Variants in KCNIP4 observed in about 807,000 individuals in gnomAD.
KCNIP4 encodes Kv channel-interacting protein 4.
In KCNIP4, 12 loss-of-function variants were observed where a neutral mutation model predicts 34.0. The observed-to-expected ratio is 0.35, with a 90% confidence interval of 0.23 to 0.57. The LOEUF (loss-of-function observed/expected upper bound fraction) is 0.57, where lower values mean the gene tolerates loss of function less well. Ranked by LOEUF, KCNIP4 falls within the 20% of genes least tolerant of loss-of-function variation. The probability of loss-of-function intolerance (pLI) is 0.83; values close to 1 mark genes in which losing one functional copy is unlikely to be tolerated. For synonymous variants in KCNIP4, 124 were observed against 102.2 expected, an observed-to-expected ratio of 1.21 and a Z score of -1.29; for missense variants, 238 against 311.7, an observed-to-expected ratio of 0.76 and a Z score of 1.78.
chr4:21,871,594 A>G (rs1435009091), intron 1 of KCNIP4, among the ~76,000 whole-genome samples: 1 of 151,980 alleles, frequency 6.6e-6, no homozygotes, highest in Non-Finnish European at 1.5e-5. Context: ...TTGAACAAAG[A>G]GCCCAGTTTT....
At chr4:21,458,159 A>G (rs1729127753) in intron 1 of KCNIP4, among the ~76,000 whole-genome samples, 1 of 97,520 alleles carries the variant, frequency 1.0e-5, no homozygotes, top group African/African-American at 4.2e-5. Context: ...CCACCCTACC[A>G]CAGTCCCCAG....
intron 1 of KCNIP4, among the ~76,000 whole-genome samples, chr4:21,345,058 A>T (rs1717154620): frequency 6.6e-6 from 1 of 152,122 alleles, no homozygotes; most frequent in Non-Finnish European, 1.5e-5. Flanking sequence ...GGACTTAGTG[A>T]CTTGCTTCTG....
At position 20,949,610 on chromosome 4, in the gene KCNIP4, A is replaced by G. The variant is rs530913261; in HGVS notation, c.62-66901T>C. On this transcript the variant is annotated intron_variant, in intron 1 of 8. Coordinates refer to ENST00000382152, the MANE Select transcript of KCNIP4 (RefSeq NM_025221.6). ...ATAGCAAAGACTTGGAACCAACCCA[A>G]ATGTCCAACAATGATAGACTGGATT... 3.6e-3 allele frequency among the ~76,000 whole-genome samples: 552 copies of G among 152,134 alleles called. 7 individuals carry two copies. Among genetic ancestry groups the G allele is most frequent in the African/African-American group, 0.013 (528 of 41,486 alleles).
chr4:20,887,673 A>G (rs1323607302), intron 1 of KCNIP4, among the ~76,000 whole-genome samples: 1 of 152,128 alleles, frequency 6.6e-6, no homozygotes, highest in Non-Finnish European at 1.5e-5. Context: ...TGAAATAAAG[A>G]TACTTTTAGA....
intron 1 of KCNIP4, among the ~76,000 whole-genome samples, chr4:21,011,931 G>A (rs960522571): frequency 6.6e-6 from 1 of 152,170 alleles, no homozygotes; most frequent in African/African-American, 2.4e-5. Context: ...TGGATGAATT[G>A]TCTCCTAACT....
chr4:20,860,373 G>T (rs1722064931), intron 2 of KCNIP4, among the ~76,000 whole-genome samples: 1 of 152,122 alleles, frequency 6.6e-6, no homozygotes, highest in South Asian at 2.1e-4. Context: ...CTTAACCTCA[G>T]GTGATCCATG....
At chr4:20,731,512 G>T in intron 8 of KCNIP4, 3 of 985,346 alleles carry the variant, frequency 3.0e-6, no homozygotes, top group Non-Finnish European at 3.6e-6. Context: ...TTTTGTGACT[G>T]AAGACCATTA....
intron 1 of KCNIP4, among the ~76,000 whole-genome samples, chr4:21,488,963 G>A (rs1409734249): frequency 1.3e-5 from 2 of 152,090 alleles, no homozygotes; most frequent in Non-Finnish European, 2.9e-5. Context: ...AAGCATGTAT[G>A]AATTAAGGCT....
In KCNIP4 at chr4:21,681,770, G is replaced by C. The variant is rs192661246; in HGVS notation, c.61+266801C>G. On this transcript the variant is annotated intron_variant, in intron 1 of 8. Coordinates refer to ENST00000382152, the MANE Select transcript of KCNIP4 (RefSeq NM_025221.6). ...GGAAGCACAGCAGCATCTGCTTCTG[G>C]GGAGGCCTCAGAAAGCTTCCACTCA... Among the ~76,000 whole-genome samples the C allele has an allele frequency of 1.6e-3, 239 of 152,252 alleles. 1 individual carries two copies. The East Asian group carries it at 0.03, about 19-fold the overall frequency.
intron 1 of KCNIP4, among the ~76,000 whole-genome samples, chr4:21,309,255 A>AG (rs1464785833): frequency 6.6e-6 from 1 of 152,220 alleles, no homozygotes; most frequent in East Asian, 1.9e-4. Flanking sequence ...CTTTCACCAC[A>AG]GAGTCCCAGT....
At chr4:21,739,120 T>C (rs1457596844) in intron 1 of KCNIP4, among the ~76,000 whole-genome samples, 1 of 152,080 alleles carries the variant, frequency 6.6e-6, no homozygotes, top group Non-Finnish European at 1.5e-5. Context: ...AATGCATACA[T>C]AGACTTATTG....
chr4:21,340,157 G>A (rs533186101), intron 1 of KCNIP4, among the ~76,000 whole-genome samples: 20 of 152,040 alleles, frequency 1.3e-4, no homozygotes, highest in African/African-American at 4.6e-4. Flanking sequence ...CCCCTAATCG[G>A]TGAGCTATGA....
intron 1 of KCNIP4, among the ~76,000 whole-genome samples, chr4:20,909,607 G>A (rs953713290): frequency 6.6e-6 from 1 of 152,060 alleles, no homozygotes; most frequent in African/African-American, 2.4e-5. Flanking sequence ...TGCTGTTTGG[G>A]ACACATTACT....
chr4:21,666,341 A>T lies in KCNIP4; in HGVS notation c.61+282230T>A, dbSNP rs113332113. 5.2e-3 allele frequency among the ~76,000 whole-genome samples: 792 copies of T among 152,346 alleles called. 5 individuals are homozygous for T. Among genetic ancestry groups the T allele is most frequent in the African/African-American group, 0.018 (743 of 41,574 alleles). ...TCTTGACTTCATTAGAGCCTATCCA[A>T]ATGCATCATTGCAACGGATCATCTC... On this transcript the variant is annotated intron_variant, in intron 1 of 8. Coordinates refer to ENST00000382152, the MANE Select transcript of KCNIP4 (RefSeq NM_025221.6).
intron 1 of KCNIP4, among the ~76,000 whole-genome samples, chr4:21,630,566 CT>C (rs1361300963): frequency 6.6e-6 from 1 of 151,992 alleles, no homozygotes; most frequent in African/African-American, 2.4e-5. Context: ...ACTTACTCTG[CT>C]TTTTTCTCTT....
At chr4:21,755,162 A>G (rs548031997) in intron 1 of KCNIP4, among the ~76,000 whole-genome samples, 2 of 152,242 alleles carry the variant, frequency 1.3e-5, no homozygotes, top group Non-Finnish European at 2.9e-5. Context: ...AAGAAAGAAC[A>G]TGGAAAGAAT....
chr4:21,387,999 T>G (rs1193593323), intron 1 of KCNIP4, among the ~76,000 whole-genome samples: 1 of 151,174 alleles, frequency 6.6e-6, no homozygotes, highest in Non-Finnish European at 1.5e-5. Flanking sequence ...GATATCCTTT[T>G]CTCTGGGACG....
chr4:21,879,114 C>T (rs988052441), intron 1 of KCNIP4, among the ~76,000 whole-genome samples: 8 of 152,050 alleles, frequency 5.3e-5, no homozygotes, highest in African/African-American at 1.9e-4. Flanking sequence ...CTTTTCCCCC[C>T]TTAGGTCCTT....
chr4:21,210,309 G>A lies in KCNIP4; in HGVS notation c.62-327600C>T, dbSNP rs1757131812. Among the ~76,000 whole-genome samples the A allele has an allele frequency of 2.0e-5, 3 of 152,176 alleles. No individual in the cohort carries two copies. In the South Asian group the frequency reaches 6.2e-4, roughly 32 times the overall value. ...AAGCCAGTATGGAAGGAGGAGCTGT[G>A]TTTTGGAACCCAGTGTTCTCATCTG... On this transcript the variant is annotated intron_variant, in intron 1 of 8. Coordinates refer to ENST00000382152, the MANE Select transcript of KCNIP4 (RefSeq NM_025221.6).
Sources: allele counts gnomAD v4.1 joint callset (sites outside exome capture counted in the v4.1 genomes callset), GRCh38; gene constraint gnomAD v4.1.1; transcripts MANE v1.5; gene names NCBI Gene and HGNC (gene_info 2026-07-23, HGNC 2026-07-21).